Variants in ASTN1 observed in about 807,000 individuals in gnomAD.
The protein encoded by ASTN1 is astrotactin-1.
Under a neutral mutation model 140.7 loss-of-function variants are expected in ASTN1, and 41 were observed. The ratio of observed to expected loss-of-function variants is 0.29; its 90% CI spans 0.23 to 0.38. ASTN1 has a LOEUF of 0.38. ASTN1 is among the 10% of genes least tolerant of loss of function. The pLI, the probability that ASTN1 is intolerant of heterozygous loss-of-function variation, is 1.00. For missense variants in ASTN1, 1,479 were observed against 1,678.8 expected (o/e 0.88, Z 2.08); for synonymous variants, 640 against 652.2 (o/e 0.98, Z 0.29).
At chr1:177,033,843 G>C (rs1558047084) in intron 2 of ASTN1, among the ~76,000 whole-genome samples, 1 of 152,186 alleles carries the variant, frequency 6.6e-6, no homozygotes, top group Admixed American at 6.5e-5. Flanking sequence ...TGAACACATG[G>C]CCTTGACATC....
intron 2 of ASTN1, among the ~76,000 whole-genome samples, chr1:177,051,089 C>G (rs1399203628): frequency 6.6e-6 from 1 of 152,228 alleles, no homozygotes. Context: ...AGCTAATGTG[C>G]TTGCATTTCA....
At chr1:176,986,442 C>T (rs564306102) in intron 8 of ASTN1, among the ~76,000 whole-genome samples, 1 of 152,250 alleles carries the variant, frequency 6.6e-6, no homozygotes, top group Non-Finnish European at 1.5e-5. Flanking sequence ...TTGGATGTAA[C>T]ACCTTACAGG....
At chr1:177,056,056 A>G (rs923743085) in intron 2 of ASTN1, among the ~76,000 whole-genome samples, 7 of 152,146 alleles carry the variant, frequency 4.6e-5, no homozygotes, top group African/African-American at 1.7e-4. Flanking sequence ...GCAAACTCAC[A>G]TGCGATGCTC....
chr1:177,121,226 C>T (rs1681368872), intron 1 of ASTN1, among the ~76,000 whole-genome samples: 1 of 152,070 alleles, frequency 6.6e-6, no homozygotes, highest in Admixed American at 6.5e-5. Flanking sequence ...GTGCCGAGTG[C>T]TTTATAAGAT....
chr1:176,950,139 A>G (rs180746245), intron 11 of ASTN1, among the ~76,000 whole-genome samples: 2 of 152,352 alleles, frequency 1.3e-5, no homozygotes, highest in Admixed American at 1.3e-4. Context: ...GGAGAAGACA[A>G]AAGGACTTGG....
chr1:176,864,566 G>A (rs763241906), intron 22 of ASTN1, 45 bp from the exon 23 acceptor site: 3 of 1,600,964 alleles, frequency 1.9e-6, no homozygotes, highest in Non-Finnish European at 2.6e-6. Context: ...AAGAAGAGAG[G>A]GTCTGGATGA....
At chr1:176,895,691 A>T (rs536030125) in intron 16 of ASTN1, among the ~76,000 whole-genome samples, 1 of 152,374 alleles carries the variant, frequency 6.6e-6, no homozygotes, top group Admixed American at 6.5e-5. Flanking sequence ...GGTGACAAAC[A>T]TAGGAATTGC....
rs529135112 is a variant in ASTN1 at position 177,155,062 on chromosome 1, T to C, written c.283+9332A>G. Among the ~76,000 whole-genome samples, 6 of 152,234 alleles carry C rather than the reference T, an allele frequency of 3.9e-5. No homozygotes were observed. In the East Asian group the frequency reaches 1.2e-3, roughly 29 times the overall value. Reference sequence around the variant, plus strand: ...GCTATCAAGCCATGAAAAGAAAAGATGTCAATAAATCTTAAATGCATGATA... The same window carrying C: ...GCTATCAAGCCATGAAAAGAAAAGACGTCAATAAATCTTAAATGCATGATA... On this transcript the variant is annotated intron_variant, in intron 1 of 22. Transcript: ENST00000361833.
chr1:177,008,355 G>C (rs1213229240), intron 8 of ASTN1, among the ~76,000 whole-genome samples: 2 of 151,642 alleles, frequency 1.3e-5, no homozygotes, highest in Non-Finnish European at 2.9e-5. Flanking sequence ...TGACTCCTAG[G>C]GGAAGAGGAG....
At chr1:176,931,292 C>G (rs752719253) in intron 16 of ASTN1, among the ~76,000 whole-genome samples, 1 of 152,070 alleles carries the variant, frequency 6.6e-6, no homozygotes, top group Non-Finnish European at 1.5e-5. Flanking sequence ...CACGGAGAAA[C>G]CCCGTCTCTA....
intron 1 of ASTN1, among the ~76,000 whole-genome samples, chr1:177,122,419 C>T (rs930046995): frequency 7.2e-5 from 11 of 152,156 alleles, no homozygotes; most frequent in Non-Finnish European, 1.3e-4. Context: ...AGTGATGGCT[C>T]AAACGTACTT....
chr1:176,903,242 T>G (rs1669843477), intron 16 of ASTN1, among the ~76,000 whole-genome samples: 1 of 152,184 alleles, frequency 6.6e-6, no homozygotes, highest in East Asian at 1.9e-4. Context: ...ACACCATAGC[T>G]GCCTCCACCT....
At chr1:177,076,742 T>G (rs78952062) in intron 1 of ASTN1, among the ~76,000 whole-genome samples, 2 of 152,004 alleles carry the variant, frequency 1.3e-5, no homozygotes, top group East Asian at 3.9e-4. Flanking sequence ...AGGCTGGTCT[T>G]GAACTTCTGA....
At chr1:176,881,351 G>T (rs766868224) in intron 20 of ASTN1, among the ~76,000 whole-genome samples, 8 of 152,214 alleles carry the variant, frequency 5.3e-5, no homozygotes, top group Non-Finnish European at 8.8e-5. Flanking sequence ...CAGAAACGCA[G>T]CCAATCAGGC....
intron 16 of ASTN1, among the ~76,000 whole-genome samples, chr1:176,906,217 G>T (rs1669992824): frequency 6.6e-6 from 1 of 152,174 alleles, no homozygotes; most frequent in Non-Finnish European, 1.5e-5. Flanking sequence ...TGGATACAAG[G>T]AGACTTGGAG....
chr1:176,943,584 TG>T (rs1391825142), intron 14 of ASTN1, among the ~76,000 whole-genome samples: 1 of 152,192 alleles, frequency 6.6e-6, no homozygotes, highest in Non-Finnish European at 1.5e-5. Flanking sequence ...CTCTGTGACC[TG>T]GTCACTTCCT....
intron 20 of ASTN1, among the ~76,000 whole-genome samples, chr1:176,879,966 A>C (rs138730512): frequency 6.6e-6 from 1 of 152,328 alleles, no homozygotes; most frequent in African/African-American, 2.4e-5. Context: ...CGGTCATCTC[A>C]GAAAGGCCTC....
chr1:177,144,540 C>T (rs61813341), intron 1 of ASTN1, among the ~76,000 whole-genome samples: 28 of 149,788 alleles, frequency 1.9e-4, no homozygotes, highest in Non-Finnish European at 4.0e-4. Flanking sequence ...ACGTGAGCCA[C>T]CGCGCCCAGC....
intron 8 of ASTN1, among the ~76,000 whole-genome samples, chr1:177,013,718 A>G (rs1445889587): frequency 6.6e-6 from 1 of 152,184 alleles, no homozygotes; most frequent in Non-Finnish European, 1.5e-5. Context: ...CCAAGCAACC[A>G]TTCTGAGATG....
Sources: allele counts gnomAD v4.1 joint callset (sites outside exome capture counted in the v4.1 genomes callset), GRCh38; gene constraint gnomAD v4.1.1; transcripts MANE v1.5; gene names NCBI Gene and HGNC (gene_info 2026-07-23, HGNC 2026-07-21).